TRERF1: variants seen among roughly 807,000 people sequenced by gnomAD.
The protein encoded by TRERF1 is transcriptional-regulating factor 1.
In TRERF1, 27 loss-of-function variants were observed where a neutral mutation model predicts 122.9. The observed-to-expected ratio is 0.22, with a 90% CI of 0.16 to 0.30. The LOEUF (loss-of-function observed/expected upper bound fraction) is 0.30, where lower values mean the gene tolerates loss of function less well. Among genes scored for constraint, TRERF1 ranks in the 10% least tolerant of loss-of-function variants. The pLI is 1.00. For synonymous variants in TRERF1, 636 were observed against 641.7 expected (o/e 0.99, Z 0.13); for missense variants, 1,248 against 1,560.3 (o/e 0.80, Z 3.37).
At chr6:42,288,029 A>C (rs1251064482) in intron 4 of TRERF1, among the ~76,000 whole-genome samples, 1 of 151,632 alleles carries the variant, frequency 6.6e-6, no homozygotes, top group Non-Finnish European at 1.5e-5. Context: ...TCTTTTTCCC[A>C]TTCTCCACCT....
chr6:42,348,954 G>C (rs1395809458), intron 3 of TRERF1, among the ~76,000 whole-genome samples: 1 of 152,178 alleles, frequency 6.6e-6, no homozygotes, highest in Non-Finnish European at 1.5e-5. Flanking sequence ...TCTTGAGTAA[G>C]TTGATCCCAC....
At chr6:42,341,063 C>T (rs77928209) in intron 3 of TRERF1, among the ~76,000 whole-genome samples, 2 of 152,178 alleles carry the variant, frequency 1.3e-5, no homozygotes, top group Non-Finnish European at 2.9e-5. Flanking sequence ...GGATTCCCCC[C>T]ACATCCTTCC....
chr6:42,314,047 G>T (rs1256260200), intron 3 of TRERF1, among the ~76,000 whole-genome samples: 1 of 148,360 alleles, frequency 6.7e-6, no homozygotes, highest in East Asian at 2.0e-4. Flanking sequence ...GCCCTAAAGG[G>T]TTTTTTTTTT....
At chr6:42,342,182 A>G (rs895017891) in intron 3 of TRERF1, among the ~76,000 whole-genome samples, 7 of 152,240 alleles carry the variant, frequency 4.6e-5, no homozygotes, top group African/African-American at 1.7e-4. Context: ...TGAAAGCCCA[A>G]CACGCAGTTG....
chr6:42,435,996 A>G (rs1398067565), intron 2 of TRERF1, among the ~76,000 whole-genome samples: 1 of 151,636 alleles, frequency 6.6e-6, no homozygotes, highest in Non-Finnish European at 1.5e-5. Flanking sequence ...AAATAAATAA[A>G]TAAATAAGTT....
At chr6:42,324,631 C>G (rs184110346) in intron 3 of TRERF1, among the ~76,000 whole-genome samples, 12 of 151,964 alleles carry the variant, frequency 7.9e-5, no homozygotes, top group Non-Finnish European at 1.2e-4. Flanking sequence ...TCAACAAAGT[C>G]GACAAAAATA....
intron 2 of TRERF1, among the ~76,000 whole-genome samples, chr6:42,438,993 A>G (rs9369359): frequency 0.3 from 45,598 of 152,084 alleles, 7,977 homozygotes; most frequent in African/African-American, 0.48. Flanking sequence ...CATGGCCAGG[A>G]GCCTCAAGGA....
intron 3 of TRERF1, among the ~76,000 whole-genome samples, chr6:42,335,209 G>T (rs1424949040): frequency 7.9e-5 from 12 of 152,236 alleles, no homozygotes; most frequent in Non-Finnish European, 2.9e-5. Flanking sequence ...GGCAGTGAGA[G>T]CCAAGAGCCT....
chr6:42,408,204 TAA>T (rs1780468164), intron 2 of TRERF1, among the ~76,000 whole-genome samples: 1 of 71,694 alleles, frequency 1.4e-5, no homozygotes, highest in Non-Finnish European at 3.1e-5. Flanking sequence ...CTTCGCTATA[TAA>T]ATAAATATAT....
chr6:42,396,924 G>A (rs1345225252), intron 2 of TRERF1, among the ~76,000 whole-genome samples: 1 of 152,112 alleles, frequency 6.6e-6, no homozygotes, highest in South Asian at 2.1e-4. Context: ...CACCCTGAAG[G>A]AGGCGCTGCG....
intron 15 of TRERF1, among the ~76,000 whole-genome samples, chr6:42,238,442 T>C (rs1772779062): frequency 6.6e-6 from 1 of 152,200 alleles, no homozygotes; most frequent in Non-Finnish European, 1.5e-5. Context: ...TCAAACCACA[T>C]GGCTCACCAA....
intron 4 of TRERF1, among the ~76,000 whole-genome samples, chr6:42,286,968 AATG>A (rs1783350616): frequency 1.4e-5 from 2 of 138,130 alleles, no homozygotes; most frequent in Admixed American, 1.4e-4. Context: ...AGCCATAAAA[AATG>A]ATGAGTTCAT....
At position 42,263,187 on chromosome 6, in the gene TRERF1, G is replaced by A; in HGVS notation, c.1884+133C>T. The A allele has an allele frequency of 6.9e-7, 1 of 1,442,644 alleles. No homozygotes were observed. The highest frequency in any genetic ancestry group is 9.1e-7 in the Non-Finnish European group (1 of 1,098,410). The allele number at this position is 1,442,644 out of a possible 1,614,324, so 89.4% of individuals were successfully genotyped here. On this transcript the variant is annotated intron_variant, in intron 8 of 17. Transcript: ENST00000372922. This position sits in a 1 kb window ranked among gnomAD's most constrained non-coding sequence, Gnocchi z 5.6. ...ATCCAAGCTCAGGTCAGTGACTCTG[G>A]AAGGGCCGCCCCATCTCCAAGAAAG...
intron 4 of TRERF1, among the ~76,000 whole-genome samples, chr6:42,299,934 C>T (rs9462798): frequency 6.6e-6 from 1 of 152,198 alleles, no homozygotes. Flanking sequence ...GTTGCATGAG[C>T]AACCAGCAAG....
At chr6:42,293,179 A>G (rs1219325395) in intron 4 of TRERF1, among the ~76,000 whole-genome samples, 2 of 152,210 alleles carry the variant, frequency 1.3e-5, no homozygotes, top group Non-Finnish European at 2.9e-5. Context: ...AGACGTGGAA[A>G]AAGAAAAAAC....
At chr6:42,374,129 C>CT (rs200639285) in intron 2 of TRERF1, among the ~76,000 whole-genome samples, 181 of 131,276 alleles carry the variant, frequency 1.4e-3, no homozygotes, top group East Asian at 6.5e-3. Context: ...GAGACTCTGT[C>CT]TTTTTTTTAA....
At chr6:42,356,954 G>T (rs1003581925) in intron 3 of TRERF1, among the ~76,000 whole-genome samples, 1 of 152,170 alleles carries the variant, frequency 6.6e-6, no homozygotes, top group Non-Finnish European at 1.5e-5. Flanking sequence ...TTGTGGTAAT[G>T]TCTGTCAAAA....
At chr6:42,337,778 C>A (rs920875352) in intron 3 of TRERF1, among the ~76,000 whole-genome samples, 1 of 152,168 alleles carries the variant, frequency 6.6e-6, no homozygotes, top group East Asian at 1.9e-4. Flanking sequence ...TGGTTCTCAA[C>A]CTTGGCATAT....
intron 2 of TRERF1, among the ~76,000 whole-genome samples, chr6:42,449,673 A>G (rs1319492142): frequency 6.6e-6 from 1 of 152,228 alleles, no homozygotes; most frequent in Non-Finnish European, 1.5e-5. Context: ...TTCATCAGGT[A>G]AAAATAATAG....
Sources: gnomAD v4.1 joint callset for allele counts (sites outside exome capture counted in the v4.1 genomes callset) on GRCh38, gnomAD v4.1.1 for gene constraint, Gnocchi (gnomAD v3.1) non-coding constraint, MANE v1.5 for transcripts, NCBI Gene and HGNC (gene_info 2026-07-23, HGNC 2026-07-21) for gene names.